Variants in ZMYM4 observed in about 807,000 individuals in gnomAD.
ZMYM4 encodes the protein zinc finger MYM-type containing 4, also known as zinc finger MYM-type protein 4.
In ZMYM4, 31 loss-of-function variants were observed where a neutral mutation model predicts 183.2. That is an observed-to-expected ratio of 0.17 (90% CI 0.13 to 0.23). The LOEUF is 0.23. Ranked by LOEUF, ZMYM4 falls within the 10% of genes least tolerant of loss-of-function variation. ZMYM4 has a pLI of 1.00. For missense variants in ZMYM4, 1,273 were observed against 1,840.3 expected, an observed-to-expected ratio of 0.69 and a Z score of 5.64; for synonymous variants, 592 against 631.2, an observed-to-expected ratio of 0.94 and a Z score of 0.93.
chr1:35,414,723 A>G (rs1234443377), intron 27 of ZMYM4, among the ~76,000 whole-genome samples: 1 of 152,130 alleles, frequency 6.6e-6, no homozygotes, highest in Non-Finnish European at 1.5e-5. Context: ...TTTTTTAAGA[A>G]TTCCTATTTC....
chr1:35,276,391 G>A (rs114132606), intron 1 of ZMYM4, among the ~76,000 whole-genome samples: 148 of 151,102 alleles, frequency 9.8e-4, no homozygotes, highest in Non-Finnish European at 1.5e-3. Context: ...AAATACTTCC[G>A]TGTGTATTTC....
intron 1 of ZMYM4, among the ~76,000 whole-genome samples, chr1:35,269,528 A>G (rs959330224): frequency 6.6e-6 from 1 of 151,986 alleles, no homozygotes; most frequent in African/African-American, 2.4e-5. Context: ...CACCATCGCG[A>G]ATTCATTTTC....
intron 28 of ZMYM4, among the ~76,000 whole-genome samples, chr1:35,416,617 G>A (rs968479749): frequency 1.3e-5 from 2 of 152,172 alleles, no homozygotes; most frequent in African/African-American, 4.8e-5. Flanking sequence ...AGGTTGGAGT[G>A]CAGTGGTGTG....
rs1485332170 is a variant in ZMYM4, at chr1:35,351,456, A to C, written c.86-7469A>C. On this transcript the variant is annotated intron_variant, in intron 2 of 29. Coordinates refer to ENST00000314607, the MANE Select transcript of ZMYM4 (RefSeq NM_005095.3). The stretch of plus-strand genomic sequence containing the variant: ...GATGTATAAGAAAGCTCATGCTGCT[A>C]TACGAGAGAATCCAGTCTATGAAAA... The C allele has an allele frequency of 3.2e-6, 5 of 1,572,168 alleles. No homozygotes were observed. The East Asian group carries it at 8.9e-5, about 28-fold the overall frequency.
At chr1:35,313,390 CTT>C (rs36112055) in intron 1 of ZMYM4, among the ~76,000 whole-genome samples, 7 of 131,546 alleles carry the variant, frequency 5.3e-5, no homozygotes, top group Admixed American at 7.9e-5. Flanking sequence ...TTTTCTTTTT[CTT>C]TTTTTTTTTT....
At position 35,304,625 on chromosome 1, in the gene ZMYM4, AT is replaced by A. The variant is rs913268346; in HGVS notation, c.40-20725del. Among the ~76,000 whole-genome samples the A allele has an allele frequency of 1.8e-4, 26 of 143,760 alleles. 2 individuals carry two copies. Among genetic ancestry groups the A allele is most frequent in the African/African-American group, 3.1e-4 (12 of 39,086 alleles). The allele number at this position is 143,760 out of a possible 152,430, so 94.3% of individuals were successfully genotyped here. A position where few individuals can be genotyped will look rare whatever the true frequency, so the allele number is the denominator to read the frequency against. On this transcript the variant is annotated intron_variant, in intron 1 of 29. Transcript: ENST00000314607. ...TAGCGTGTGCCACAATGCCTGGCTA[AT>A]TTTTTTTTTGTATTTTTTTTTTTTT...
intron 23 of ZMYM4, among the ~76,000 whole-genome samples, chr1:35,401,064 C>G (rs935037944): frequency 2.0e-5 from 3 of 148,152 alleles, no homozygotes; most frequent in Admixed American, 6.6e-5. Flanking sequence ...TTGAATAAAA[C>G]TTACTCAAAA....
chr1:35,314,973 C>T (rs1463026532), intron 1 of ZMYM4, among the ~76,000 whole-genome samples: 2 of 150,626 alleles, frequency 1.3e-5, no homozygotes, highest in Non-Finnish European at 2.9e-5. Context: ...TGCAGTGAGC[C>T]GAGATCACGC....
chr1:35,405,531 G>A, intron 25 of ZMYM4, 63 bp downstream of exon 25: 1 of 1,238,412 alleles, frequency 8.1e-7, no homozygotes, highest in South Asian at 1.5e-5. Flanking sequence ...ATTTAAATTT[G>A]TAAATTGAAT....
intron 1 of ZMYM4, among the ~76,000 whole-genome samples, chr1:35,309,931 G>GTT (rs199635403): frequency 6.8e-4 from 92 of 136,026 alleles, no homozygotes; most frequent in Admixed American, 3.1e-3. Flanking sequence ...GTTTTTTTTT[G>GTT]TTTTTTTTTT....
intron 1 of ZMYM4, among the ~76,000 whole-genome samples, chr1:35,317,986 C>T (rs555511276): frequency 6.6e-6 from 1 of 151,256 alleles, no homozygotes; most frequent in South Asian, 2.1e-4. Flanking sequence ...CGTTGAGATA[C>T]TCAAAAGATT....
chr1:35,369,193 A>G (rs1644152694), intron 5 of ZMYM4, among the ~76,000 whole-genome samples: 1 of 152,344 alleles, frequency 6.6e-6, no homozygotes, highest in South Asian at 2.1e-4. Context: ...TTTCAATATG[A>G]TAAACAATAT....
At chr1:35,377,208 A>G (rs1423070091) in intron 7 of ZMYM4, among the ~76,000 whole-genome samples, 1 of 152,214 alleles carries the variant, frequency 6.6e-6, no homozygotes, top group Non-Finnish European at 1.5e-5. Context: ...CGCCTGGCCC[A>G]TATGTGGACC....
In ZMYM4 at chr1:35,397,415, T is replaced by G. The variant is rs760235358; in HGVS notation, c.3069T>G (p.Ser1023Arg). The change falls in exon 20 of 30, where the codon AGT becomes AGG. Residue 1023 changes from serine to arginine, a missense_variant. Coordinates refer to ENST00000314607, the MANE Select transcript of ZMYM4 (RefSeq NM_005095.3). The part of the protein sequence containing the change: ...VPMLIPSSMD[S>R]EDKVTESIED... ...TGCTTATTCCATCTTCAATGGATAG[T>G]GAAGATAAAGTCACAGAGAGTATTG... 6.2e-7 allele frequency: 1 copy of G among 1,611,974 alleles called. No homozygotes were observed. Among genetic ancestry groups the G allele is most frequent in the Non-Finnish European group, 8.5e-7 (1 of 1,178,996 alleles).
chr1:35,398,312 G>T, intron 20 of ZMYM4, 101 bp from the exon 21 acceptor site: 2 of 980,624 alleles, frequency 2.0e-6, no homozygotes, highest in Non-Finnish European at 3.0e-6. Flanking sequence ...TATTTACTTA[G>T]AACTTTGTAG....
At chr1:35,311,691 T>G (rs1641808673) in intron 1 of ZMYM4, among the ~76,000 whole-genome samples, 1 of 152,162 alleles carries the variant, frequency 6.6e-6, no homozygotes, top group Admixed American at 6.5e-5. Context: ...TTTCCATATA[T>G]GTATATATTG....
intron 9 of ZMYM4, among the ~76,000 whole-genome samples, chr1:35,384,655 T>G (rs989373044): frequency 7.9e-5 from 12 of 152,132 alleles, no homozygotes; most frequent in African/African-American, 2.9e-4. Flanking sequence ...CTAATAAGGT[T>G]ACTAATTTCC....
At chr1:35,398,791 C>T in intron 21 of ZMYM4, 73 bp from the exon 22 acceptor site, 1 of 1,519,102 alleles carries the variant, frequency 6.6e-7, no homozygotes, top group Middle Eastern at 1.8e-4. Context: ...TTTAGGGGTT[C>T]AGGAAGTTTT....
chr1:35,363,394 T>C (rs1183769780), intron 5 of ZMYM4, among the ~76,000 whole-genome samples: 2 of 152,190 alleles, frequency 1.3e-5, no homozygotes, highest in Non-Finnish European at 2.9e-5. Flanking sequence ...TTGCAGGACA[T>C]TTAGTAAGCA....
Sources: gnomAD v4.1 joint callset for allele counts (sites outside exome capture counted in the v4.1 genomes callset) on GRCh38, gnomAD v4.1.1 for gene constraint, MANE v1.5 for transcripts, NCBI Gene and HGNC (gene_info 2026-07-23, HGNC 2026-07-21) for gene names.